FBXL7: variants seen among roughly 807,000 people sequenced by gnomAD.
FBXL7 encodes F-box/LRR-repeat protein 7.
In FBXL7, 12 loss-of-function variants were observed where a neutral mutation model predicts 38.3. The ratio of observed to expected loss-of-function variants is 0.31; its 90% CI spans 0.20 to 0.51. FBXL7 has a LOEUF of 0.51. Ranked by LOEUF, FBXL7 falls within the 20% of genes least tolerant of loss-of-function variation. The pLI, the probability that FBXL7 is intolerant of heterozygous loss-of-function variation, is 0.98. For synonymous variants in FBXL7, 297 were observed against 300.9 expected (o/e 0.99, Z 0.13); for missense variants, 567 against 676.4 (o/e 0.84, Z 1.79).
intron 1 of FBXL7, among the ~76,000 whole-genome samples, chr5:15,525,996 C>A (rs1443621573): frequency 2.6e-5 from 4 of 152,134 alleles, no homozygotes; most frequent in African/African-American, 9.7e-5. Context: ...AAGTCACCCA[C>A]CAGAAAGTAA....
intron 2 of FBXL7, among the ~76,000 whole-genome samples, chr5:15,647,265 A>G (rs565863702): frequency 6.6e-6 from 1 of 152,256 alleles, no homozygotes; most frequent in Admixed American, 6.5e-5. Context: ...CCTAATAGTT[A>G]TTCACATTTC....
intron 2 of FBXL7, among the ~76,000 whole-genome samples, chr5:15,790,683 A>G (rs1737250143): frequency 6.6e-6 from 1 of 152,158 alleles, no homozygotes; most frequent in Non-Finnish European, 1.5e-5. Flanking sequence ...AGAATCTGTA[A>G]TGCACCTGAT....
chr5:15,736,883 A>G (rs1446727018), intron 2 of FBXL7, among the ~76,000 whole-genome samples: 1 of 152,222 alleles, frequency 6.6e-6, no homozygotes, highest in Non-Finnish European at 1.5e-5. Context: ...ATGACTACTG[A>G]GAGTTGGACC....
chr5:15,724,141 A>C (rs191483219), intron 2 of FBXL7, among the ~76,000 whole-genome samples: 19 of 152,332 alleles, frequency 1.2e-4, no homozygotes, highest in African/African-American at 4.6e-4. Context: ...TTTGGTGAGA[A>C]GAGACACCTT....
chr5:15,712,693 AAAG>A (rs1369178721), intron 2 of FBXL7, among the ~76,000 whole-genome samples: 2 of 150,162 alleles, frequency 1.3e-5, no homozygotes, highest in African/African-American at 5.1e-5. Context: ...AAAAAAAAGA[AAAG>A]AAAAGGAAGC....
intron 1 of FBXL7, among the ~76,000 whole-genome samples, chr5:15,599,351 G>T (rs558386113): frequency 6.6e-6 from 1 of 152,128 alleles, no homozygotes; most frequent in African/African-American, 2.4e-5. Flanking sequence ...ATATGTGTGT[G>T]TGTTTGTATG....
Position 15,560,273 on chromosome 5 carries a change from T to C in FBXL7, c.38-55710T>C, listed in dbSNP as rs1738374237. 1.3e-5 allele frequency among the ~76,000 whole-genome samples: 2 copies of C among 152,232 alleles called. 1 individual carries two copies. The highest frequency in any genetic ancestry group is 4.8e-5 in the African/African-American group (2 of 41,454). On this transcript the variant is annotated intron_variant, in intron 1 of 3. Coordinates refer to ENST00000504595, the MANE Select transcript of FBXL7 (RefSeq NM_012304.5). Reference sequence around the variant, plus strand: ...TGATTCCTCTTGACCTTACTGATTCTGCTTAAGTAGGGTGAGATTTCTTTT... The same window carrying C: ...TGATTCCTCTTGACCTTACTGATTCCGCTTAAGTAGGGTGAGATTTCTTTT...
chr5:15,783,106 C>T (rs73752307), intron 2 of FBXL7, among the ~76,000 whole-genome samples: 33 of 152,022 alleles, frequency 2.2e-4, no homozygotes, highest in African/African-American at 7.2e-4. Context: ...AGAGAAGCAA[C>T]GAAGTTGAAG....
intron 2 of FBXL7, among the ~76,000 whole-genome samples, chr5:15,680,754 A>G (rs1455772884): frequency 6.6e-6 from 1 of 152,154 alleles, no homozygotes; most frequent in South Asian, 2.1e-4. Flanking sequence ...ATGCCAATGT[A>G]TTATGTTGTT....
intron 1 of FBXL7, among the ~76,000 whole-genome samples, chr5:15,596,105 G>A (rs1423137789): frequency 6.6e-6 from 1 of 152,180 alleles, no homozygotes; most frequent in East Asian, 1.9e-4. Context: ...TACACAGTTG[G>A]AATTAGAATG....
chr5:15,865,312 C>T (rs2126814178), intron 2 of FBXL7, among the ~76,000 whole-genome samples: 1 of 152,234 alleles, frequency 6.6e-6, no homozygotes, highest in Middle Eastern at 3.4e-3. Flanking sequence ...GAATGAGTAC[C>T]ATAGCTATCC....
intron 2 of FBXL7, among the ~76,000 whole-genome samples, chr5:15,879,164 G>A (rs1322659936): frequency 6.6e-6 from 1 of 152,114 alleles, no homozygotes; most frequent in Non-Finnish European, 1.5e-5. Context: ...TTACCTCCTT[G>A]CAGAAGTCAT....
At chr5:15,857,910 A>G (rs983431527) in intron 2 of FBXL7, among the ~76,000 whole-genome samples, 4 of 152,172 alleles carry the variant, frequency 2.6e-5, no homozygotes, top group African/African-American at 4.8e-5. Context: ...TAATTATTGA[A>G]TGTGTATGTT....
chr5:15,769,541 C>A (rs918972386), intron 2 of FBXL7, among the ~76,000 whole-genome samples: 2 of 152,216 alleles, frequency 1.3e-5, no homozygotes, highest in Non-Finnish European at 2.9e-5. Context: ...ACAATATAAT[C>A]CTCCTGGCAC....
chr5:15,662,469 T>C (rs1468763612), intron 2 of FBXL7, among the ~76,000 whole-genome samples: 1 of 152,210 alleles, frequency 6.6e-6, no homozygotes, highest in African/African-American at 2.4e-5. Flanking sequence ...TTTACTCTGT[T>C]GATAGTTTCT....
intron 2 of FBXL7, among the ~76,000 whole-genome samples, chr5:15,628,430 A>G (rs1370450703): frequency 6.6e-6 from 1 of 152,194 alleles, no homozygotes; most frequent in African/African-American, 2.4e-5. Context: ...ATAAGGTGAC[A>G]TGTTCCTGTG....
intron 1 of FBXL7, among the ~76,000 whole-genome samples, chr5:15,542,110 T>C (rs1737769809): frequency 6.6e-6 from 1 of 152,168 alleles, no homozygotes; most frequent in Non-Finnish European, 1.5e-5. Context: ...GGTAATACTC[T>C]TTAAGAAATG....
intron 2 of FBXL7, among the ~76,000 whole-genome samples, chr5:15,864,741 C>T (rs942909154): frequency 3.9e-5 from 6 of 152,176 alleles, no homozygotes; most frequent in Admixed American, 6.5e-5. Context: ...GTAGCCAAGA[C>T]ACATGGTTTA....
At chr5:15,581,916 T>C (rs1406251089) in intron 1 of FBXL7, among the ~76,000 whole-genome samples, 1 of 152,080 alleles carries the variant, frequency 6.6e-6, no homozygotes, top group Non-Finnish European at 1.5e-5. Context: ...ACCATACTCT[T>C]TGAGCTAAAA....
Sources: allele counts gnomAD v4.1 joint callset (sites outside exome capture counted in the v4.1 genomes callset), GRCh38; gene constraint gnomAD v4.1.1; transcripts MANE v1.5; gene names NCBI Gene and HGNC (gene_info 2026-07-23, HGNC 2026-07-21).